SMYD2: variants seen among roughly 807,000 people sequenced by gnomAD.
SMYD2 encodes the protein SET and MYND domain containing 2.
Under a neutral mutation model 59.1 loss-of-function variants are expected in SMYD2, and 53 were observed. The ratio of observed to expected loss-of-function variants is 0.90; its 90% CI spans 0.72 to 1.13. The LOEUF is 1.13. Ranked by LOEUF, SMYD2 falls within the 50% of genes most tolerant of loss-of-function variation. The probability of loss-of-function intolerance (pLI) is 0.00; values close to 1 mark genes in which losing one functional copy is unlikely to be tolerated. For missense variants in SMYD2, 494 were observed against 544.7 expected, an observed-to-expected ratio of 0.91 and a Z score of 0.93; for synonymous variants, 208 against 198.8, an observed-to-expected ratio of 1.05 and a Z score of -0.39.
At chr1:214,288,193 T>C (rs1656581282) in intron 1 of SMYD2, among the ~76,000 whole-genome samples, 1 of 152,198 alleles carries the variant, frequency 6.6e-6, no homozygotes, top group Admixed American at 6.5e-5. Context: ...CTGTATAAAA[T>C]GGCATTTCTT....
chr1:214,315,420 TAAAA>T (rs79246810), intron 3 of SMYD2, among the ~76,000 whole-genome samples: 3 of 145,346 alleles, frequency 2.1e-5, no homozygotes, highest in Admixed American at 2.0e-4. Flanking sequence ...GGAAGAGAGT[TAAAA>T]AAAAAAAGTG....
At chr1:214,331,144 G>A in intron 9 of SMYD2, 74 bp downstream of exon 9, 1 of 1,593,560 alleles carries the variant, frequency 6.3e-7, no homozygotes, top group South Asian at 1.1e-5. Flanking sequence ...GAAAGAGGGA[G>A]CAGGAGAAGG....
intron 1 of SMYD2, among the ~76,000 whole-genome samples, chr1:214,299,104 A>G (rs1275494884): frequency 6.6e-6 from 1 of 152,098 alleles, no homozygotes; most frequent in Non-Finnish European, 1.5e-5. Context: ...CCATAATTAC[A>G]AGCCATGATC....
At chr1:214,313,704 G>A (rs1226584321) in intron 2 of SMYD2, among the ~76,000 whole-genome samples, 1 of 151,904 alleles carries the variant, frequency 6.6e-6, no homozygotes, top group Non-Finnish European at 1.5e-5. Flanking sequence ...CTCCAGCACT[G>A]GCATCATCAT....
intron 1 of SMYD2, among the ~76,000 whole-genome samples, chr1:214,283,656 T>G (rs1656483623): frequency 6.6e-6 from 1 of 152,200 alleles, no homozygotes; most frequent in Non-Finnish European, 1.5e-5. Flanking sequence ...AATCAGTCTG[T>G]CCAGATGTAT....
chr1:214,326,689 T>G (rs902186425), intron 6 of SMYD2, among the ~76,000 whole-genome samples: 1 of 152,136 alleles, frequency 6.6e-6, no homozygotes, highest in African/African-American at 2.4e-5. Context: ...CTGGGGCAGT[T>G]CATCCTCATC....
intron 1 of SMYD2, among the ~76,000 whole-genome samples, chr1:214,304,229 G>A (rs567413990): frequency 6.6e-6 from 1 of 152,240 alleles, no homozygotes; most frequent in East Asian, 1.9e-4. Flanking sequence ...AAATGGGTAT[G>A]TATAGCAATC....
At chr1:214,330,430 C>A in intron 8 of SMYD2, 152 bp downstream of exon 8, 1 of 569,596 alleles carries the variant, frequency 1.8e-6, no homozygotes, top group Non-Finnish European at 3.1e-6. Flanking sequence ...TCTAGTTAGA[C>A]CAGGTCTCTG....
chr1:214,298,235 C>T (rs553067464), intron 1 of SMYD2, among the ~76,000 whole-genome samples: 2 of 151,938 alleles, frequency 1.3e-5, no homozygotes, highest in South Asian at 2.1e-4. Context: ...AATAGAGAAC[C>T]CAGAAGTAAA....
intron 9 of SMYD2, 128 bp downstream of exon 9, chr1:214,331,198 T>A: frequency 7.3e-7 from 1 of 1,364,586 alleles, no homozygotes. Context: ...TGTCTCCTAG[T>A]AAATGTGTAA....
chr1:214,329,434 A>C (rs1657314876), intron 7 of SMYD2, among the ~76,000 whole-genome samples: 1 of 152,188 alleles, frequency 6.6e-6, no homozygotes, highest in African/African-American at 2.4e-5. Flanking sequence ...CCCAGTGAGT[A>C]GATAATGGAC....
chr1:214,314,383 G>A (rs1458223911), intron 2 of SMYD2, among the ~76,000 whole-genome samples: 1 of 152,198 alleles, frequency 6.6e-6, no homozygotes, highest in East Asian at 1.9e-4. Flanking sequence ...GAGCGGAACT[G>A]TGAGGCAACA....
At chr1:214,309,412 T>C (rs1656964453) in intron 2 of SMYD2, among the ~76,000 whole-genome samples, 1 of 152,178 alleles carries the variant, frequency 6.6e-6, no homozygotes, top group South Asian at 2.1e-4. Context: ...AAGAGAAGAG[T>C]TTTAGAAAGT....
In SMYD2 at chr1:214,321,232, A is replaced by G. The variant is rs374389095; in HGVS notation, c.534+2249A>G. Among the ~76,000 whole-genome samples, 19 of 151,756 alleles carry G rather than the reference A, an allele frequency of 1.3e-4. No homozygotes were observed. In the South Asian group the frequency reaches 3.6e-3, roughly 28 times the overall value. The stretch of plus-strand genomic sequence containing the variant: ...GACTCAGAAAATTCAGAACATTTAT[A>G]TACCTTAAAAAATGTATATATATAT... On this transcript the variant is annotated intron_variant, in intron 5 of 11. Transcript: ENST00000366957.
chr1:214,302,330 C>T (rs1348777080), intron 1 of SMYD2, among the ~76,000 whole-genome samples: 1 of 124,176 alleles, frequency 8.1e-6, no homozygotes, highest in Non-Finnish European at 1.7e-5. Flanking sequence ...CAGAGCAAGA[C>T]TCCGTTTCAA....
chr1:214,327,038 C>A (rs1417955715), intron 6 of SMYD2, among the ~76,000 whole-genome samples: 2 of 152,242 alleles, frequency 1.3e-5, no homozygotes, highest in African/African-American at 2.4e-5. Context: ...CTCTCTCCTT[C>A]TCGCTGTCCC....
intron 5 of SMYD2, among the ~76,000 whole-genome samples, chr1:214,319,724 A>G (rs779295339): frequency 6.6e-6 from 1 of 152,018 alleles, no homozygotes; most frequent in Non-Finnish European, 1.5e-5. Flanking sequence ...CTGACTTACT[A>G]GATTGGATTT....
chr1:214,293,654 C>A (rs1466864523), intron 1 of SMYD2, among the ~76,000 whole-genome samples: 1 of 152,256 alleles, frequency 6.6e-6, no homozygotes, highest in East Asian at 1.9e-4. Flanking sequence ...TTACCACTCT[C>A]ATGTAGGCAG....
chr1:214,316,617 A>G (rs1392289363), intron 3 of SMYD2, among the ~76,000 whole-genome samples: 1 of 152,180 alleles, frequency 6.6e-6, no homozygotes, highest in African/African-American at 2.4e-5. Context: ...ATTAGCATGT[A>G]TCTGTCCCCA....
Sources: allele counts gnomAD v4.1 joint callset (sites outside exome capture counted in the v4.1 genomes callset), GRCh38; gene constraint gnomAD v4.1.1; transcripts MANE v1.5; gene names NCBI Gene and HGNC (gene_info 2026-07-23, HGNC 2026-07-21).